Variants in FAM13C observed in about 807,000 individuals in gnomAD.
FAM13C encodes the protein protein FAM13C.
In FAM13C, 37 loss-of-function variants were observed where a neutral mutation model predicts 73.2. The ratio of observed to expected loss-of-function variants is 0.51; its 90% CI spans 0.39 to 0.67. FAM13C has a LOEUF of 0.67. FAM13C is among the 30% of genes least tolerant of loss of function. FAM13C has a pLI of 0.00. For synonymous variants in FAM13C, 246 were observed against 260.9 expected (o/e 0.94, Z 0.55); for missense variants, 589 against 715.6 (o/e 0.82, Z 2.02).
chr10:59,276,976 AGAAAT>A (rs1483773407), intron 6 of FAM13C, among the ~76,000 whole-genome samples: 1 of 152,226 alleles, frequency 6.6e-6, no homozygotes, highest in East Asian at 1.9e-4. Context: ...TCTGCATTTC[AGAAAT>A]GGCATGGAAA....
At chr10:59,318,132 T>C (rs535172274) in intron 4 of FAM13C, among the ~76,000 whole-genome samples, 38 of 151,984 alleles carry the variant, frequency 2.5e-4, no homozygotes, top group South Asian at 4.1e-4. Context: ...TTTTCCAGTG[T>C]TTCACTTATT....
At position 59,247,844 on chromosome 10, in the gene FAM13C, GT is replaced by G. The variant is rs1301481616; in HGVS notation, c.1635-108del. The G allele has an allele frequency of 9.4e-6, 10 of 1,062,636 alleles. No homozygotes were observed. In the South Asian group the frequency reaches 1.7e-4, roughly 18 times the overall value. 65.8% of individuals were successfully genotyped at this position (1,062,636 alleles called of 1,614,324 possible). A position where few individuals can be genotyped will look rare whatever the true frequency, so the allele number is the denominator to read the frequency against. ...AGTATACTGTAACGGCCTCCACTTG[GT>G]TTTTGCATCATGTCTTCTTTTCCTT... On this transcript the variant is annotated intron_variant, in intron 13 of 13. Transcript: ENST00000618804.
chr10:59,342,843 T>C (rs1262692183), intron 3 of FAM13C, among the ~76,000 whole-genome samples: 1 of 152,224 alleles, frequency 6.6e-6, no homozygotes, highest in Non-Finnish European at 1.5e-5. Context: ...CAAACAGCTT[T>C]ACTTCTAAGC....
chr10:59,320,690 T>G (rs1850109176), intron 4 of FAM13C, among the ~76,000 whole-genome samples: 1 of 151,932 alleles, frequency 6.6e-6, no homozygotes, highest in African/African-American at 2.4e-5. Context: ...AAAATAGAAG[T>G]GAGGTGCAGA....
intron 4 of FAM13C, among the ~76,000 whole-genome samples, chr10:59,310,505 TGG>T (rs1213587362): frequency 3.3e-5 from 5 of 152,324 alleles, no homozygotes; most frequent in Middle Eastern, 3.4e-3. Context: ...ATTCTCTTAT[TGG>T]TTCTTACCAA....
chr10:59,252,677 C>T (rs1841509176), intron 12 of FAM13C, 122 bp downstream of exon 12: 4 of 841,330 alleles, frequency 4.8e-6, no homozygotes, highest in Non-Finnish European at 5.8e-6. Context: ...AGGATAAAGG[C>T]CCTGAGAACT....
At chr10:59,334,718 A>G (rs1449086672) in intron 3 of FAM13C, among the ~76,000 whole-genome samples, 3 of 140,046 alleles carry the variant, frequency 2.1e-5, no homozygotes, top group African/African-American at 7.9e-5. Context: ...ATGAGAACAC[A>G]TGGACACAGG....
rs1840741028 is a variant in FAM13C at position 59,246,715 on chromosome 10, G to A, written c.*899C>T. 2 of 397,082 alleles carry A rather than the reference G, an allele frequency of 5.0e-6. No homozygotes were observed. The highest frequency in any genetic ancestry group is 2.5e-4 in the South Asian group (2 of 7,844). 24.6% of individuals were successfully genotyped at this position (397,082 alleles called of 1,614,324 possible). A position where few individuals can be genotyped will look rare whatever the true frequency, so the allele number is the denominator to read the frequency against. On this transcript the variant is annotated 3_prime_UTR_variant, in exon 14 of 14. Coordinates refer to ENST00000618804, the MANE Select transcript of FAM13C (RefSeq NM_198215.4). ...GAAGGATGAATAACTACAGCTCATG[G>A]GAAATGTTTTGACTTTACAAAGTAT...
At chr10:59,315,815 C>A (rs1312316437) in intron 4 of FAM13C, among the ~76,000 whole-genome samples, 1 of 152,170 alleles carries the variant, frequency 6.6e-6, no homozygotes, top group Admixed American at 6.5e-5. Flanking sequence ...AGCCACCATC[C>A]TATGATTCCA....
intron 12 of FAM13C, among the ~76,000 whole-genome samples, 190 bp from the exon 13 acceptor site, chr10:59,251,866 C>T (rs1332193493): frequency 6.6e-6 from 1 of 151,922 alleles, no homozygotes; most frequent in Non-Finnish European, 1.5e-5. Flanking sequence ...GGAAAATTAC[C>T]TGATGGAAAA....
chr10:59,342,033 T>C (rs946056250), intron 3 of FAM13C, among the ~76,000 whole-genome samples: 2 of 152,176 alleles, frequency 1.3e-5, no homozygotes, highest in Non-Finnish European at 2.9e-5. Context: ...TGTATATTTG[T>C]GCCAGGAGCG....
intron 13 of FAM13C, chr10:59,251,139 G>T (rs1003344360): frequency 5.3e-6 from 1 of 189,710 alleles, no homozygotes; most frequent in Non-Finnish European, 1.1e-5. Flanking sequence ...AATAATTAGG[G>T]ACAGATCCTG....
chr10:59,357,548 G>T (rs1768969943), intron 1 of FAM13C, among the ~76,000 whole-genome samples: 1 of 152,216 alleles, frequency 6.6e-6, no homozygotes, highest in African/African-American at 2.4e-5. Flanking sequence ...ACTGAATCCA[G>T]GCACTGCATT....
chr10:59,357,281 A>T (rs927529692), intron 1 of FAM13C, among the ~76,000 whole-genome samples: 4 of 152,110 alleles, frequency 2.6e-5, no homozygotes, highest in African/African-American at 9.7e-5. Context: ...ATTCATAAAC[A>T]TTTACTCTTC....
intron 3 of FAM13C, among the ~76,000 whole-genome samples, chr10:59,350,412 A>G (rs1486985076): frequency 6.6e-6 from 1 of 152,204 alleles, no homozygotes; most frequent in Non-Finnish European, 1.5e-5. Flanking sequence ...TTACTATGTC[A>G]TACGTGACTC....
chr10:59,313,031 C>T (rs534960466), intron 4 of FAM13C, among the ~76,000 whole-genome samples: 3 of 152,308 alleles, frequency 2.0e-5, no homozygotes, highest in Admixed American at 6.5e-5. Context: ...TAGCTTTCCA[C>T]AATTCTACAT....
At chr10:59,262,759 T>C (rs915553219) in intron 9 of FAM13C, 114 bp from the exon 10 acceptor site, 1 of 869,112 alleles carries the variant, frequency 1.2e-6, no homozygotes, top group Non-Finnish European at 1.8e-6. Flanking sequence ...TGAACACTAA[T>C]GATGGCTTTC....
At chr10:59,329,918 T>G (rs1851742645) in intron 3 of FAM13C, among the ~76,000 whole-genome samples, 1 of 152,180 alleles carries the variant, frequency 6.6e-6, no homozygotes, top group Non-Finnish European at 1.5e-5. Context: ...AAAAGGCAGA[T>G]GACTTACTGA....
chr10:59,284,031 ATG>A (rs6143934), intron 5 of FAM13C, among the ~76,000 whole-genome samples: 76 of 148,456 alleles, frequency 5.1e-4, no homozygotes, highest in Middle Eastern at 3.5e-3. Context: ...ATGCTGGGGT[ATG>A]TGTGTGTGTG....
Sources: allele counts gnomAD v4.1 joint callset (sites outside exome capture counted in the v4.1 genomes callset), GRCh38; gene constraint gnomAD v4.1.1; transcripts MANE v1.5; gene names NCBI Gene and HGNC (gene_info 2026-07-23, HGNC 2026-07-21).